Variants in GALNT18 observed in about 807,000 individuals in gnomAD.
GALNT18 encodes GalNAc-transferase 18.
A neutral mutation model predicts 69.5 loss-of-function variants in GALNT18; 44 were observed. That is an observed-to-expected ratio of 0.63 (90% CI 0.50 to 0.81). The LOEUF (loss-of-function observed/expected upper bound fraction) is 0.81. Ranked by LOEUF, GALNT18 falls within the 40% of genes least tolerant of loss-of-function variation. The pLI is 0.00. For synonymous variants in GALNT18, 364 were observed against 318.2 expected, an observed-to-expected ratio of 1.14 and a Z score of -1.53; for missense variants, 715 against 810.0, an observed-to-expected ratio of 0.88 and a Z score of 1.42.
At chr11:11,381,818 C>G (rs901444368) in intron 3 of GALNT18, among the ~76,000 whole-genome samples, 1 of 152,102 alleles carries the variant, frequency 6.6e-6, no homozygotes, top group African/African-American at 2.4e-5. Flanking sequence ...AGAGCAGAGA[C>G]AGGCTGCCCA....
At chr11:11,520,150 G>T (rs145267210) in intron 1 of GALNT18, among the ~76,000 whole-genome samples, 1 of 152,244 alleles carries the variant, frequency 6.6e-6, no homozygotes, top group African/African-American at 2.4e-5. Flanking sequence ...AGCTTGTAGC[G>T]CTTACTGCAT....
chr11:11,320,498 T>G lies in GALNT18; in HGVS notation c.1512+6588A>C, dbSNP rs1429596544. Among the ~76,000 whole-genome samples the G allele has an allele frequency of 1.3e-5, 2 of 152,190 alleles. No homozygotes were observed. Among genetic ancestry groups the G allele is most frequent in the Non-Finnish European group, 2.9e-5 (2 of 68,032 alleles). On this transcript the variant is annotated intron_variant, in intron 9 of 10. Transcript: ENST00000227756. The surrounding 1 kb of genome is among the most constrained non-coding windows in gnomAD (Gnocchi z 4.9). Reference sequence around the variant, plus strand: ...TGGAAATGCATGTTGAATGTTTGATTTGGACCAAGTCTGTAGGATTCAGAG... The same window carrying G: ...TGGAAATGCATGTTGAATGTTTGATGTGGACCAAGTCTGTAGGATTCAGAG...
At chr11:11,406,086 A>T (rs990353815) in intron 3 of GALNT18, among the ~76,000 whole-genome samples, 1 of 152,192 alleles carries the variant, frequency 6.6e-6, no homozygotes, top group African/African-American at 2.4e-5. Context: ...GTATCTCCCT[A>T]TTGTGATTTT....
chr11:11,425,819 A>G (rs182760938), intron 3 of GALNT18, among the ~76,000 whole-genome samples: 8 of 152,162 alleles, frequency 5.3e-5, no homozygotes, highest in Non-Finnish European at 1.2e-4. Context: ...GCCACCAAAA[A>G]CCTGTTGAAG....
chr11:11,343,226 T>C (rs1349102432), intron 6 of GALNT18, among the ~76,000 whole-genome samples: 1 of 152,012 alleles, frequency 6.6e-6, no homozygotes, highest in Non-Finnish European at 1.5e-5. Flanking sequence ...CACGTGCCTG[T>C]AGTCCCAGCA....
In GALNT18 at chr11:11,564,836, C is replaced by A. The variant is rs1858603527; in HGVS notation, c.235+56523G>T. 6.6e-6 allele frequency among the ~76,000 whole-genome samples: 1 copy of A among 152,166 alleles called. No individual in the cohort carries two copies. The highest frequency in any genetic ancestry group is 6.5e-5 in the Admixed American group (1 of 15,276). ...ATTACAATTAAATAAGTCAAACTAG[C>A]TACATTTCAAGTGTTCATAAGTGGC... On this transcript the variant is annotated intron_variant, in intron 1 of 10. Transcript: ENST00000227756. The surrounding 1 kb of genome is among the most constrained non-coding windows in gnomAD (Gnocchi z 4.3).
rs61870418 is a variant in GALNT18, at chr11:11,616,460, A to C, written c.235+4899T>G. Among the ~76,000 whole-genome samples the C allele has an allele frequency of 0.11, 17,423 of 152,268 alleles. 1,355 individuals carry two copies. Among genetic ancestry groups the C allele is most frequent in the Middle Eastern group, 0.17 (51 of 294 alleles). On this transcript the variant is annotated intron_variant, in intron 1 of 10. Coordinates refer to ENST00000227756, the MANE Select transcript of GALNT18 (RefSeq NM_198516.3). The surrounding 1 kb of genome is among the most constrained non-coding windows in gnomAD (Gnocchi z 4.4). ...ATCCCACTTCTGGAAAGACATCCTT[A>C]AACATAATTCAAAAAACAGTGAGGT...
At chr11:11,326,977 GCCATGACAGAGCCTAGCTCTCCTTCC>G (rs1167838430) in intron 9 of GALNT18, 83 bp downstream of exon 9, 214 of 792,188 alleles carry the variant, frequency 2.7e-4, no homozygotes, top group Non-Finnish European at 3.9e-4. Flanking sequence ...TCCCAGAGCT[GCCATGACAGAGCCTAGCTCTCCTTCC>G]CCATGACAGA....
In GALNT18 at chr11:11,496,564, A is replaced by G. The variant is rs964687929; in HGVS notation, c.236-47628T>C. On this transcript the variant is annotated intron_variant, in intron 1 of 10. Coordinates refer to ENST00000227756, the MANE Select transcript of GALNT18 (RefSeq NM_198516.3). The surrounding 1 kb of genome is among the most constrained non-coding windows in gnomAD (Gnocchi z 4.0). ...TTTTCTAAAGAACAAGCAGCTTGCTATCTCTCAGTAGGTTCTAATCAACAT... is the reference window on the plus strand; with the variant it reads ...TTTTCTAAAGAACAAGCAGCTTGCTGTCTCTCAGTAGGTTCTAATCAACAT... Among the ~76,000 whole-genome samples the G allele has an allele frequency of 3.9e-5, 6 of 152,228 alleles. No individual in the cohort carries two copies. Among genetic ancestry groups the G allele is most frequent in the African/African-American group, 9.6e-5 (4 of 41,458 alleles).
intron 7 of GALNT18, among the ~76,000 whole-genome samples, chr11:11,333,812 T>C (rs965202941): frequency 6.6e-6 from 1 of 151,858 alleles, no homozygotes; most frequent in African/African-American, 2.4e-5. Context: ...TAGAGCAGAG[T>C]TGGGCAGCAC....
intron 9 of GALNT18, among the ~76,000 whole-genome samples, chr11:11,310,562 A>C (rs11021780): frequency 0.54 from 81,739 of 152,006 alleles, 21,971 homozygotes; most frequent in Middle Eastern, 0.63. Context: ...TCTTTTAAAA[A>C]GTGTCCTTCA....
chr11:11,331,512 A>G (rs1269594223), intron 8 of GALNT18, among the ~76,000 whole-genome samples: 1 of 152,176 alleles, frequency 6.6e-6, no homozygotes, highest in African/African-American at 2.4e-5. Flanking sequence ...CCTGTTCACT[A>G]CATTCCCATC....
intron 10 of GALNT18, among the ~76,000 whole-genome samples, chr11:11,274,442 G>A (rs1192416690): frequency 6.6e-6 from 1 of 152,194 alleles, no homozygotes; most frequent in Non-Finnish European, 1.5e-5. Context: ...AAATCCACTG[G>A]CTTGAAATTC....
At position 11,582,691 on chromosome 11, in the gene GALNT18, C is replaced by A. The variant is rs1400125058; in HGVS notation, c.235+38668G>T. On this transcript the variant is annotated intron_variant, in intron 1 of 10. Coordinates refer to ENST00000227756, the MANE Select transcript of GALNT18 (RefSeq NM_198516.3). This position sits in a 1 kb window ranked among gnomAD's most constrained non-coding sequence, Gnocchi z 5.0. Reference sequence around the variant, plus strand: ...AGGGCTAAAAGCCTTTGTGATGTTGCTCCAGCATAACCCAGTGGAAACTAA... The same window carrying A: ...AGGGCTAAAAGCCTTTGTGATGTTGATCCAGCATAACCCAGTGGAAACTAA... Among the ~76,000 whole-genome samples, 1 of 152,246 alleles carries A rather than the reference C, an allele frequency of 6.6e-6. No homozygotes were observed. The highest frequency in any genetic ancestry group is 1.5e-5 in the Non-Finnish European group (1 of 68,050).
In GALNT18 at chr11:11,590,815, T is replaced by C. The variant is rs932855520; in HGVS notation, c.235+30544A>G. On this transcript the variant is annotated intron_variant, in intron 1 of 10. Coordinates refer to ENST00000227756, the MANE Select transcript of GALNT18 (RefSeq NM_198516.3). This position sits in a 1 kb window ranked among gnomAD's most constrained non-coding sequence, Gnocchi z 4.4. ...TGCATTCCTCAGGTGTTTGTGGTGA[T>C]GCTTATGTAAACAAACCTACCGCAC... Among the ~76,000 whole-genome samples, 13 of 152,214 alleles carry C rather than the reference T, an allele frequency of 8.5e-5. No homozygotes were observed. The highest frequency in any genetic ancestry group is 2.9e-4 in the African/African-American group (12 of 41,460).
chr11:11,276,821 T>C (rs370549612), intron 10 of GALNT18, among the ~76,000 whole-genome samples: 1 of 152,314 alleles, frequency 6.6e-6, no homozygotes, highest in Non-Finnish European at 1.5e-5. Flanking sequence ...GTTGCTTGAT[T>C]TGTGTATGTT....
intron 9 of GALNT18, among the ~76,000 whole-genome samples, chr11:11,310,821 T>C (rs897333848): frequency 6.6e-6 from 1 of 152,240 alleles, no homozygotes; most frequent in East Asian, 1.9e-4. Context: ...ATTGGGTTAC[T>C]TGGGAAAATC....
intron 6 of GALNT18, among the ~76,000 whole-genome samples, chr11:11,360,183 C>T (rs1397555238): frequency 6.6e-6 from 1 of 152,186 alleles, no homozygotes; most frequent in Non-Finnish European, 1.5e-5. Context: ...CGTCCCAGAC[C>T]TTGACAGGTC....
chr11:11,378,332 A>C (rs1252281666), intron 4 of GALNT18, among the ~76,000 whole-genome samples: 1 of 152,180 alleles, frequency 6.6e-6, no homozygotes, highest in African/African-American at 2.4e-5. Context: ...TATTGATAAA[A>C]GGGTGGCCAC....
Sources: gnomAD v4.1 joint callset for allele counts (sites outside exome capture counted in the v4.1 genomes callset) on GRCh38, gnomAD v4.1.1 for gene constraint, Gnocchi (gnomAD v3.1) non-coding constraint, MANE v1.5 for transcripts, NCBI Gene and HGNC (gene_info 2026-07-23, HGNC 2026-07-21) for gene names.